Variants in UNK observed in about 807,000 individuals in gnomAD.
UNK encodes RING finger protein unkempt homolog.
A neutral mutation model predicts 97.6 loss-of-function variants in UNK; 32 were observed. The ratio of observed to expected loss-of-function variants is 0.33; its 90% confidence interval spans 0.25 to 0.44. The LOEUF is 0.44. Among genes scored for constraint, UNK ranks in the 20% least tolerant of loss-of-function variants. UNK has a pLI of 1.00. For synonymous variants in UNK, 441 were observed against 461.2 expected, an observed-to-expected ratio of 0.96 and a Z score of 0.56; for missense variants, 771 against 1,098.4, an observed-to-expected ratio of 0.70 and a Z score of 4.21.
chr17:75,787,735 G>GGCAGAGGCTGAGGCAGGAGGC (rs2061725670), intron 1 of UNK, among the ~76,000 whole-genome samples: 1 of 151,418 alleles, frequency 6.6e-6, no homozygotes, highest in South Asian at 2.1e-4. Flanking sequence ...TGAGGCAGGA[G>GGCAGAGGCTGAGGCAGGAGGC]AATCGCTTGA....
At chr17:75,792,473 T>C in intron 1 of UNK, 9 of 985,458 alleles carry the variant, frequency 9.1e-6, no homozygotes, top group Non-Finnish European at 9.6e-6. Flanking sequence ...AAGATGGATG[T>C]TGAATGTAAG....
In UNK at chr17:75,818,138, T is replaced by A; in HGVS notation, c.1341T>A (p.Ser447Arg). 2.3e-5 allele frequency: 37 copies of A among 1,612,992 alleles called. No individual in the cohort carries two copies. The highest frequency in any genetic ancestry group is 3.1e-5 in the Non-Finnish European group (37 of 1,179,674). Residue 447 changes from serine (S) to arginine (R), a missense_variant, in exon 10 of 16, where the codon AGT becomes AGA. By Grantham distance (110) the Ser-to-Arg change is moderately radical. Around this residue, in one of 5 missense-constraint regions of UNK, gnomAD observed 192 missense variants for 202.4 expected, o/e 0.95. Coordinates refer to ENST00000589666, the MANE Select transcript of UNK (RefSeq NM_001080419.3). This position sits in a 1 kb window ranked among gnomAD's most constrained non-coding sequence, Gnocchi z 5.1. ...AACCCCACTCATTAGAGCCCAGGAG[T>A]CAAGAGCAGCCTCTGCTTCAGCCCA... ...KLKPHSLEPR[S>R]QEQPLLQPKQ...
chr17:75,796,728 T>G (rs1219814414), intron 1 of UNK, among the ~76,000 whole-genome samples: 1 of 152,184 alleles, frequency 6.6e-6, no homozygotes, highest in Non-Finnish European at 1.5e-5. Context: ...TCCTTATAAA[T>G]ATGGAATGTA....
At chr17:75,822,802 C>G in intron 14 of UNK, 144 bp downstream of exon 14, 1 of 1,104,224 alleles carries the variant, frequency 9.1e-7, no homozygotes, top group Non-Finnish European at 1.2e-6. Context: ...CTCGCTCTCC[C>G]CCTGGGAGGA....
chr17:75,792,900 G>A lies in UNK; in HGVS notation c.104+7916G>A, dbSNP rs74893159. Among the ~76,000 whole-genome samples, 530 of 152,336 alleles carry A rather than the reference G, an allele frequency of 3.5e-3. 1 individual carries two copies. The highest frequency in any genetic ancestry group is 0.012 in the African/African-American group (503 of 41,586). On this transcript the variant is annotated intron_variant, in intron 1 of 15. Coordinates refer to ENST00000589666, the MANE Select transcript of UNK (RefSeq NM_001080419.3). ...CCATAGAGAGGGCTTCAAGCGCATGGCCTATTGCCAAGGCTCAGCAACAGT... is the reference window on the plus strand; with the variant it reads ...CCATAGAGAGGGCTTCAAGCGCATGACCTATTGCCAAGGCTCAGCAACAGT...
At chr17:75,801,561 CT>C (rs998294685) in intron 1 of UNK, among the ~76,000 whole-genome samples, 10 of 147,636 alleles carry the variant, frequency 6.8e-5, no homozygotes, top group South Asian at 2.2e-4. Context: ...TTTATTTTTC[CT>C]TTTTTTTTTG....
At position 75,813,897 on chromosome 17, in the gene UNK, T is replaced by G. The variant is rs1567805597; in HGVS notation, c.876+19T>G. 2 of 1,547,774 alleles carry G rather than the reference T, an allele frequency of 1.3e-6. No individual in the cohort carries two copies. Among genetic ancestry groups the G allele is most frequent in the Non-Finnish European group, 1.7e-6 (2 of 1,145,928 alleles). ...CCCCGAGGTGGGCCCCACAGCAGGG[T>G]GGGGGGGTGGCTTTGGGAAGTAAGG... On this transcript the variant is annotated intron_variant, in intron 6 of 15. Transcript: ENST00000589666.
intron 1 of UNK, among the ~76,000 whole-genome samples, chr17:75,789,247 C>T (rs1031940096): frequency 6.6e-6 from 1 of 152,116 alleles, no homozygotes; most frequent in African/African-American, 2.4e-5. Flanking sequence ...TCAGAAGTTC[C>T]TTTATTGTAC....
At position 75,819,173 on chromosome 17, in the gene UNK, C is replaced by T; in HGVS notation, c.1546+357C>T. Reference sequence around the variant, plus strand: ...ATCCCTGGTGCTAGAAGTTGGTGCTCCTTTCTTTCAGTACTCATTTCTAGG... The same window carrying T: ...ATCCCTGGTGCTAGAAGTTGGTGCTTCTTTCTTTCAGTACTCATTTCTAGG... On this transcript the variant is annotated intron_variant, in intron 11 of 15. Transcript: ENST00000589666. This position sits in a 1 kb window ranked among gnomAD's most constrained non-coding sequence, Gnocchi z 5.4. 3.9e-6 allele frequency: 1 copy of T among 255,964 alleles called. No homozygotes were observed. Among genetic ancestry groups the T allele is most frequent in the South Asian group, 8.5e-5 (1 of 11,718 alleles). 15.9% of individuals were successfully genotyped at this position (255,964 alleles called of 1,614,324 possible). A position where few individuals can be genotyped will look rare whatever the true frequency, so the allele number is the denominator to read the frequency against.
At position 75,825,593 on chromosome 17, in the gene UNK, T is replaced by C. The variant is rs1599398265; in HGVS notation, c.*1176T>C. 6.6e-6 allele frequency: 1 copy of C among 151,876 alleles called. No homozygotes were observed. Among genetic ancestry groups the C allele is most frequent in the African/African-American group, 2.4e-5 (1 of 41,200 alleles). 9.4% of individuals were successfully genotyped at this position (151,876 alleles called of 1,614,324 possible). A position where few individuals can be genotyped will look rare whatever the true frequency, so the allele number is the denominator to read the frequency against. ...ATGCAGCAGGGGCGGGAGGGCAGAG[T>C]GGGCGGAGGGGAGCAGCCGCACCCC... On this transcript the variant is annotated 3_prime_UTR_variant, in exon 16 of 16. Transcript: ENST00000589666. This position sits in a 1 kb window ranked among gnomAD's most constrained non-coding sequence, Gnocchi z 4.4.
chr17:75,813,317 CT>C, intron 5 of UNK, 104 bp downstream of exon 5: 1 of 1,431,108 alleles, frequency 7.0e-7, no homozygotes, highest in Non-Finnish European at 9.2e-7. Context: ...GAGGCTGGTC[CT>C]GGGGATGACA....
Position 75,824,489 on chromosome 17 carries a change from A to C in UNK, c.*72A>C. On this transcript the variant is annotated 3_prime_UTR_variant, in exon 16 of 16. Transcript: ENST00000589666. The surrounding 1 kb of genome is among the most constrained non-coding windows in gnomAD (Gnocchi z 4.9). ...TTTTTAAAGTATATATATATATATG[A>C]ATATATATATATATGTGTATGTATG... 6 of 837,086 alleles carry C rather than the reference A, an allele frequency of 7.2e-6. No individual in the cohort carries two copies. Among genetic ancestry groups the C allele is most frequent in the Middle Eastern group, 4.5e-4 (1 of 2,212 alleles). The allele number at this position is 837,086 out of a possible 1,614,324, so 51.9% of individuals were successfully genotyped here.
chr17:75,815,759 G>A (rs551571517), intron 7 of UNK, among the ~76,000 whole-genome samples: 3 of 152,000 alleles, frequency 2.0e-5, no homozygotes, highest in Admixed American at 6.6e-5. Flanking sequence ...GGTGGCACAC[G>A]CCTGTAATCC....
Position 75,819,904 on chromosome 17 carries a change from C to G in UNK, c.1649-16C>G, listed in dbSNP as rs142243149. 1.0e-5 allele frequency: 16 copies of G among 1,603,618 alleles called. No homozygotes were observed. Among genetic ancestry groups the G allele is most frequent in the Non-Finnish European group, 1.4e-5 (16 of 1,174,606 alleles). ...CTGCCCTCACCCAGCCCGTCCTCCC[C>G]GGGCCTCTCTTGCAGGCGGCAGCTT... is the stretch of plus-strand genomic sequence containing the variant. On this transcript the variant is annotated splice_polypyrimidine_tract_variant and intron_variant, in intron 12 of 15. Coordinates refer to ENST00000589666, the MANE Select transcript of UNK (RefSeq NM_001080419.3). This position sits in a 1 kb window ranked among gnomAD's most constrained non-coding sequence, Gnocchi z 5.4.
chr17:75,824,795 T>C lies in UNK; in HGVS notation c.*378T>C, dbSNP rs936041572. 6.6e-6 allele frequency: 1 copy of C among 152,588 alleles called. No homozygotes were observed. The highest frequency in any genetic ancestry group is 1.5e-5 in the Non-Finnish European group (1 of 68,236). The allele number at this position is 152,588 out of a possible 1,614,324, so 9.5% of individuals were successfully genotyped here. Reference sequence around the variant, plus strand: ...GGCAGAGAATCTGGTTCTGTCTCTTTTTTAATGTAGGAACTAACTATTTTT... The same window carrying C: ...GGCAGAGAATCTGGTTCTGTCTCTTCTTTAATGTAGGAACTAACTATTTTT... On this transcript the variant is annotated 3_prime_UTR_variant, in exon 16 of 16. Coordinates refer to ENST00000589666, the MANE Select transcript of UNK (RefSeq NM_001080419.3). The surrounding 1 kb of genome is among the most constrained non-coding windows in gnomAD (Gnocchi z 4.9).
chr17:75,801,517 T>G (rs1194968505), intron 1 of UNK, among the ~76,000 whole-genome samples: 1 of 152,066 alleles, frequency 6.6e-6, no homozygotes, highest in Non-Finnish European at 1.5e-5. Context: ...CCCTGTCTCT[T>G]TATTTAAATA....
rs1360345408 is a variant in UNK, at chr17:75,817,633, G to A, written c.1305+107G>A. 8 of 1,208,334 alleles carry A rather than the reference G, an allele frequency of 6.6e-6. No individual in the cohort carries two copies. In the East Asian group the frequency reaches 1.3e-4, roughly 19 times the overall value. The allele number at this position is 1,208,334 out of a possible 1,614,324, so 74.9% of individuals were successfully genotyped here. A position where few individuals can be genotyped will look rare whatever the true frequency, so the allele number is the denominator to read the frequency against. ...CTACGGGGAGGATGACTGGGAGCTA[G>A]GACTCCACTGTCCTCGGCCTCTTCA... On this transcript the variant is annotated intron_variant, in intron 9 of 15. Transcript: ENST00000589666. This position sits in a 1 kb window ranked among gnomAD's most constrained non-coding sequence, Gnocchi z 5.8.
At chr17:75,796,676 A>G (rs1475585787) in intron 1 of UNK, among the ~76,000 whole-genome samples, 2 of 152,188 alleles carry the variant, frequency 1.3e-5, no homozygotes, top group African/African-American at 2.4e-5. Flanking sequence ...ACAAAGTTGT[A>G]TGGTTTCTGG....
chr17:75,798,882 C>T (rs927747712), intron 1 of UNK, among the ~76,000 whole-genome samples: 1 of 151,718 alleles, frequency 6.6e-6, no homozygotes, highest in Admixed American at 6.6e-5. Context: ...CTGGCTAACA[C>T]AGTGAAACCC....
Sources: gnomAD v4.1 joint callset for allele counts (sites outside exome capture counted in the v4.1 genomes callset) on GRCh38, gnomAD v4.1.1 for gene constraint, gnomAD v4.1.1 regional missense constraint, Gnocchi (gnomAD v3.1) non-coding constraint, MANE v1.5 for transcripts, NCBI Gene and HGNC (gene_info 2026-07-23, HGNC 2026-07-21) for gene names.